The following MCM9 variants were observed in gnomAD, a reference collection of about 807,000 sequenced individuals.
MCM9 encodes the protein minichromosome maintenance 9 homologous recombination repair factor.
In MCM9, 55 loss-of-function variants were observed where a neutral mutation model predicts 72.8. The ratio of observed to expected loss-of-function variants is 0.76; its 90% CI spans 0.61 to 0.95. The LOEUF (loss-of-function observed/expected upper bound fraction) is 0.95. MCM9 is among the 40% of genes least tolerant of loss of function. The pLI is 0.00. For missense variants in MCM9, 1,279 were observed against 1,377.0 expected (o/e 0.93, Z 1.13); for synonymous variants, 480 against 503.4 (o/e 0.95, Z 0.62).
intron 4 of MCM9, 46 bp from the exon 5 acceptor site, chr6:118,922,132 T>G (rs750427617): frequency 1.4e-6 from 2 of 1,437,662 alleles, no homozygotes; most frequent in Non-Finnish European, 1.9e-6. Flanking sequence ...TAAATACATG[T>G]TAAGTATCCA....
chr6:118,833,136 C>A (rs188741077), intron 9 of MCM9, among the ~76,000 whole-genome samples: 2 of 152,162 alleles, frequency 1.3e-5, no homozygotes, highest in African/African-American at 4.8e-5. Context: ...GGCCCGGAAT[C>A]ATTGTCGGAG....
At position 118,871,496 on chromosome 6, in the gene MCM9, T is replaced by C. The variant is rs1450234423; in HGVS notation, c.1151-14951A>G. ...GTTCCTCAACACAATAAAGGCCATCTATCACAAACCCAGGGCCAACATTAC... is the reference window on the plus strand; with the variant it reads ...GTTCCTCAACACAATAAAGGCCATCCATCACAAACCCAGGGCCAACATTAC... On this transcript the variant is annotated intron_variant, in intron 8 of 13. Coordinates refer to ENST00000619706, the MANE Select transcript of MCM9 (RefSeq NM_017696.3). Among the ~76,000 whole-genome samples the C allele has an allele frequency of 2.0e-5, 3 of 152,342 alleles. No individual in the cohort carries two copies. The East Asian group carries it at 5.8e-4, about 29-fold the overall frequency.
chr6:118,830,081 A>G (rs920910326), intron 9 of MCM9, among the ~76,000 whole-genome samples: 1 of 152,216 alleles, frequency 6.6e-6, no homozygotes, highest in Admixed American at 6.5e-5. Context: ...GGAGCGTGGC[A>G]GGATAGGGAT....
At chr6:118,863,589 C>G (rs1418041999) in intron 8 of MCM9, among the ~76,000 whole-genome samples, 3 of 152,174 alleles carry the variant, frequency 2.0e-5, no homozygotes, top group Non-Finnish European at 2.9e-5. Flanking sequence ...TAATCCCCAT[C>G]ATAACAGTAT....
chr6:118,852,707 T>C (rs142878562), intron 9 of MCM9, among the ~76,000 whole-genome samples: 18 of 152,318 alleles, frequency 1.2e-4, no homozygotes, highest in African/African-American at 3.6e-4. Context: ...ACAAATAAAA[T>C]ATATGCATTT....
Position 118,931,467 on chromosome 6 carries a change from T to C in MCM9, c.257A>G (p.Gln86Arg). ...CTGTTTCATGGAAACAGCCTCAGGCTGAGAAAGGGACTGGAGAATTGTCAA... is the reference window on the plus strand; with the variant it reads ...CTGTTTCATGGAAACAGCCTCAGGCCGAGAAAGGGACTGGAGAATTGTCAA... ...SALTILQSLSQPEAVSMKQNL... is the reference protein window; with the variant it reads ...SALTILQSLSRPEAVSMKQNL... The change falls in exon 3 of 14, where the codon CAG becomes CGG. Residue 86 changes from glutamine to arginine, a missense_variant. Physicochemically the swap from Gln to Arg is conservative, Grantham distance 43. Coordinates refer to ENST00000619706, the MANE Select transcript of MCM9 (RefSeq NM_017696.3). The C allele has an allele frequency of 6.2e-7, 1 of 1,614,042 alleles. No homozygotes were observed. Among genetic ancestry groups the C allele is most frequent in the Non-Finnish European group, 8.5e-7 (1 of 1,179,862 alleles).
rs1262877433 is a variant in MCM9 at position 118,815,167 on chromosome 6, T to A, written c.3089A>T (p.His1030Leu). Residue 1030 changes from histidine (H) to leucine (L), a missense_variant, in exon 14 of 14, where the codon CAT (histidine) becomes CTT (leucine). Physicochemically the swap from His to Leu is moderately conservative, Grantham distance 99. Transcript: ENST00000619706. ...CTTTTTGTCTCCCTCACAAGTAAGA[T>A]GAGCACACCCAGTCTCGTTCCCAAG... ...LELGNETGCAHLTCEGDKKEE... is the reference protein window; with the variant it reads ...LELGNETGCALLTCEGDKKEE... 6.4e-7 allele frequency: 1 copy of A among 1,550,614 alleles called. No individual in the cohort carries two copies. Among genetic ancestry groups the A allele is most frequent in the Non-Finnish European group, 8.7e-7 (1 of 1,146,992 alleles).
At chr6:118,897,039 A>G (rs930243075) in intron 8 of MCM9, among the ~76,000 whole-genome samples, 2 of 152,040 alleles carry the variant, frequency 1.3e-5, no homozygotes, top group African/African-American at 4.8e-5. Flanking sequence ...GAGTTTTGCC[A>G]TGTTGCCCAA....
rs144248257 is a variant in MCM9 at position 118,903,788 on chromosome 6, T to C, written c.1150+7862A>G. On this transcript the variant is annotated intron_variant, in intron 8 of 13. Coordinates refer to ENST00000619706, the MANE Select transcript of MCM9 (RefSeq NM_017696.3). The stretch of plus-strand genomic sequence containing the variant: ...TTTTTGTAGAGATGGGGTTTCGCCA[T>C]GTGGCCCAGGATAATCTCAAATTCC... Among the ~76,000 whole-genome samples the C allele has an allele frequency of 9.2e-3, 1,398 of 152,326 alleles. 12 individuals are homozygous for C. Among genetic ancestry groups the C allele is most frequent in the African/African-American group, 0.031 (1,304 of 41,588 alleles).
In MCM9 at chr6:118,877,041, G is replaced by A. The variant is rs151184376; in HGVS notation, c.1151-20496C>T. 1.8e-3 allele frequency among the ~76,000 whole-genome samples: 276 copies of A among 152,290 alleles called. 1 individual carries two copies. Among genetic ancestry groups the A allele is most frequent in the South Asian group, 0.01 (50 of 4,830 alleles). ...CATTTCTGACTTGTTTTCTTGGAAT[G>A]CTAGATTTTAGAGCCCAGCCACTAT... is the stretch of plus-strand genomic sequence containing the variant. On this transcript the variant is annotated intron_variant, in intron 8 of 13. Coordinates refer to ENST00000619706, the MANE Select transcript of MCM9 (RefSeq NM_017696.3).
chr6:118,916,202 A>C lies in MCM9; in HGVS notation c.904+1359T>G, dbSNP rs578063606. ...GTGAGAACCCTGTCTACTTTAAAAA[A>C]AAAAAAAGAAACCATTTTAATTTTA... On this transcript the variant is annotated intron_variant, in intron 6 of 13. Coordinates refer to ENST00000619706, the MANE Select transcript of MCM9 (RefSeq NM_017696.3). Among the ~76,000 whole-genome samples the C allele has an allele frequency of 7.9e-5, 12 of 151,814 alleles. 1 individual carries two copies. Among genetic ancestry groups the C allele is most frequent in the African/African-American group, 2.9e-4 (12 of 41,490 alleles).
At chr6:118,840,246 A>AT (rs1775259807) in intron 9 of MCM9, among the ~76,000 whole-genome samples, 1 of 151,320 alleles carries the variant, frequency 6.6e-6, no homozygotes, top group Admixed American at 6.6e-5. Flanking sequence ...TCCACTTCAT[A>AT]TGCTGAAGCC....
chr6:118,925,250 C>T (rs115662623), intron 3 of MCM9, among the ~76,000 whole-genome samples: 1,635 of 152,168 alleles, frequency 0.011, 30 homozygotes, highest in African/African-American at 0.036. Context: ...ACTGTTATGC[C>T]GGTTCATGTC....
chr6:118,923,947 T>C lies in MCM9; in HGVS notation c.485A>G (p.Gln162Arg). The change falls in exon 4 of 14, where the codon CAG becomes CGG. Residue 162 changes from glutamine (Q) to arginine (R), a missense_variant. By Grantham distance (43) the Gln-to-Arg change is conservative (BLOSUM62 1). Transcript: ENST00000619706. ...HVFVIKADFEQYYTFCRPSSC... is the reference protein window; with the variant it reads ...HVFVIKADFERYYTFCRPSSC... Reference sequence around the variant, plus strand: ...GGATGGCCGGCAAAAGGTGTAATACTGCTCAAAGTCAGCCTTGATCACAAA... The same window carrying C: ...GGATGGCCGGCAAAAGGTGTAATACCGCTCAAAGTCAGCCTTGATCACAAA... 6.2e-7 allele frequency: 1 copy of C among 1,614,260 alleles called. No homozygotes were observed. Among genetic ancestry groups the C allele is most frequent in the Non-Finnish European group, 8.5e-7 (1 of 1,180,050 alleles).
intron 3 of MCM9, among the ~76,000 whole-genome samples, chr6:118,930,440 TA>T: frequency 6.6e-6 from 1 of 152,308 alleles, no homozygotes; most frequent in Non-Finnish European, 1.5e-5. Flanking sequence ...AACAAAAGGG[TA>T]TGTATGTTCT....
In MCM9 at chr6:118,829,046, A is replaced by C. The variant is rs761368500; in HGVS notation, c.1528+2T>G. 1.4e-5 allele frequency: 22 copies of C among 1,549,324 alleles called. No individual in the cohort carries two copies. In the South Asian group the frequency reaches 2.6e-4, roughly 18 times the overall value. On this transcript the variant is annotated splice_donor_variant, in intron 10 of 13. Coordinates refer to ENST00000619706, the MANE Select transcript of MCM9 (RefSeq NM_017696.3). LOFTEE classifies it high-confidence loss of function. ...TTGAATGCTTTGTTTGTCTTCACGT[A>C]CCTTTATTTTCTAAGATAAAGGAGG...
At chr6:118,877,305 T>C (rs1478334534) in intron 8 of MCM9, among the ~76,000 whole-genome samples, 1 of 152,196 alleles carries the variant, frequency 6.6e-6, no homozygotes, top group African/African-American at 2.4e-5. Context: ...CTGCTAAGTT[T>C]TGAAGTGGTC....
intron 9 of MCM9, among the ~76,000 whole-genome samples, chr6:118,843,688 GTATATATATATATA>G (rs766122361): frequency 3.1e-5 from 2 of 64,150 alleles, no homozygotes; most frequent in African/African-American, 1.3e-4. Context: ...ATATATATGT[GTATATATATATATA>G]TGTATGTATA....
chr6:118,845,565 C>G (rs1775806413), intron 9 of MCM9, among the ~76,000 whole-genome samples: 1 of 151,776 alleles, frequency 6.6e-6, no homozygotes, highest in South Asian at 2.1e-4. Flanking sequence ...TTTTCAATTC[C>G]ACTGGAGAAG....
Sources: gnomAD v4.1 joint callset for allele counts (sites outside exome capture counted in the v4.1 genomes callset) on GRCh38, gnomAD v4.1.1 for gene constraint, MANE v1.5 for transcripts, NCBI Gene and HGNC (gene_info 2026-07-23, HGNC 2026-07-21) for gene names.